The following ADCY8 variants were observed in gnomAD, a reference collection of about 807,000 sequenced individuals.
ADCY8 encodes the protein adenylate cyclase type 8.
ADCY8 carries 51 observed loss-of-function variants against 119.7 expected under a neutral mutation model. The observed-to-expected ratio is 0.43, with a 90% confidence interval of 0.34 to 0.54. ADCY8 has a LOEUF of 0.54. Ranked by LOEUF, ADCY8 falls within the 20% of genes least tolerant of loss-of-function variation. ADCY8 has a pLI of 0.03. For missense variants in ADCY8, 1,383 were observed against 1,598.8 expected (o/e 0.87, Z 2.30); for synonymous variants, 665 against 651.0 (o/e 1.02, Z -0.33).
At chr8:130,901,672 C>T (rs572947822) in intron 7 of ADCY8, among the ~76,000 whole-genome samples, 13 of 152,122 alleles carry the variant, frequency 8.5e-5, no homozygotes, top group Non-Finnish European at 1.9e-4. Context: ...ATACTTGTGA[C>T]GGTTTTAATT....
intron 5 of ADCY8, among the ~76,000 whole-genome samples, chr8:130,922,106 G>T (rs528841192): frequency 2.0e-5 from 3 of 151,870 alleles, no homozygotes; most frequent in Non-Finnish European, 4.4e-5. Flanking sequence ...GCCTCCTTGC[G>T]CTTTCACAGC....
chr8:130,847,319 C>A (rs747141121), intron 11 of ADCY8, 105 bp downstream of exon 11: 3 of 740,050 alleles, frequency 4.1e-6, no homozygotes, highest in Non-Finnish European at 6.8e-6. Context: ...GGAAAACAGG[C>A]CTCTTGAGTA....
At chr8:130,790,649 G>A (rs1423820158) in intron 15 of ADCY8, among the ~76,000 whole-genome samples, 1 of 152,160 alleles carries the variant, frequency 6.6e-6, no homozygotes, top group Non-Finnish European at 1.5e-5. Flanking sequence ...GGTCACAGAT[G>A]AACAGGATTT....
intron 15 of ADCY8, among the ~76,000 whole-genome samples, chr8:130,786,887 T>C (rs1444027189): frequency 6.6e-6 from 1 of 151,652 alleles, no homozygotes; most frequent in Non-Finnish European, 1.5e-5. Context: ...TTTCTAGCAG[T>C]GAGTGTATGA....
intron 17 of ADCY8, among the ~76,000 whole-genome samples, chr8:130,782,684 G>A (rs1014657950): frequency 1.4e-4 from 21 of 152,214 alleles, no homozygotes; most frequent in African/African-American, 4.8e-4. Context: ...ATTGATGGAA[G>A]ATGTGGGAAC....
intron 5 of ADCY8, among the ~76,000 whole-genome samples, chr8:130,927,892 G>A (rs1820520045): frequency 6.6e-6 from 1 of 152,126 alleles, no homozygotes; most frequent in African/African-American, 2.4e-5. Flanking sequence ...GATCTTAGAG[G>A]AAAAGATTGC....
chr8:130,915,401 C>G (rs1820097528), intron 5 of ADCY8, among the ~76,000 whole-genome samples: 1 of 152,160 alleles, frequency 6.6e-6, no homozygotes, highest in Admixed American at 6.5e-5. Context: ...ATACATTAGA[C>G]AGGAATCCCA....
intron 7 of ADCY8, among the ~76,000 whole-genome samples, chr8:130,902,674 G>C (rs1819641522): frequency 1.3e-5 from 2 of 152,100 alleles, no homozygotes; most frequent in Non-Finnish European, 2.9e-5. Context: ...AATTTTTTTA[G>C]GCAGACAGAT....
chr8:130,870,059 G>A lies in ADCY8; in HGVS notation c.2110-2113C>T, dbSNP rs541289087. ...ATGGAGTCTTGCTCTTGTCACCCAG[G>A]CTGGAGTGCAGTGGTGCAATCTCGG... On this transcript the variant is annotated intron_variant, in intron 8 of 17. Transcript: ENST00000286355. Among the ~76,000 whole-genome samples the A allele has an allele frequency of 1.7e-3, 249 of 147,392 alleles. 1 individual carries two copies. Among genetic ancestry groups the A allele is most frequent in the Non-Finnish European group, 3.0e-3 (204 of 67,100 alleles).
At chr8:130,946,330 G>A (rs1821104561) in intron 3 of ADCY8, among the ~76,000 whole-genome samples, 2 of 152,184 alleles carry the variant, frequency 1.3e-5, no homozygotes, top group African/African-American at 4.8e-5. Context: ...GATGTCTTCA[G>A]TGTTCCAATA....
intron 3 of ADCY8, among the ~76,000 whole-genome samples, chr8:130,944,656 G>A (rs1446434855): frequency 6.6e-6 from 1 of 152,116 alleles, no homozygotes; most frequent in Non-Finnish European, 1.5e-5. Context: ...TCCCAAAAAT[G>A]TACGAGCATT....
intron 12 of ADCY8, among the ~76,000 whole-genome samples, chr8:130,822,567 CAT>C (rs1816549512): frequency 6.6e-6 from 1 of 151,110 alleles, no homozygotes; most frequent in South Asian, 2.1e-4. Flanking sequence ...TCCATCCATC[CAT>C]CCATCCATCC....
chr8:131,037,495 T>G (rs1219264270), intron 1 of ADCY8, among the ~76,000 whole-genome samples: 1 of 152,226 alleles, frequency 6.6e-6, no homozygotes, highest in Admixed American at 6.5e-5. Flanking sequence ...ATTCCAAACT[T>G]ACTTATTAAG....
chr8:130,882,931 C>T (rs1818833103), intron 8 of ADCY8, among the ~76,000 whole-genome samples: 1 of 152,056 alleles, frequency 6.6e-6, no homozygotes, highest in South Asian at 2.1e-4. Flanking sequence ...TTGCCATCAC[C>T]ACTGGGGAAC....
At chr8:130,913,929 C>T (rs947168586) in intron 5 of ADCY8, among the ~76,000 whole-genome samples, 5 of 152,174 alleles carry the variant, frequency 3.3e-5, no homozygotes, top group African/African-American at 1.2e-4. Flanking sequence ...TATTTCCCTA[C>T]AGATGCTTTA....
At chr8:130,801,898 CCT>C (rs1815789950) in intron 14 of ADCY8, among the ~76,000 whole-genome samples, 1 of 87,804 alleles carries the variant, frequency 1.1e-5, no homozygotes, top group African/African-American at 4.6e-5. Context: ...TTTGAGAATG[CCT>C]TTTTTTTTTT....
At chr8:130,852,931 A>T (rs1261265482) in intron 9 of ADCY8, among the ~76,000 whole-genome samples, 1 of 152,190 alleles carries the variant, frequency 6.6e-6, no homozygotes, top group Non-Finnish European at 1.5e-5. Flanking sequence ...GTGCTCAATA[A>T]GTATTCATTG....
At chr8:130,790,231 A>C (rs1232956824) in intron 15 of ADCY8, among the ~76,000 whole-genome samples, 1 of 152,196 alleles carries the variant, frequency 6.6e-6, no homozygotes, top group Non-Finnish European at 1.5e-5. Flanking sequence ...CTAAGCACTG[A>C]ATAAGCCATG....
intron 12 of ADCY8, among the ~76,000 whole-genome samples, chr8:130,830,553 C>T (rs1289306666): frequency 6.6e-6 from 1 of 152,152 alleles, no homozygotes; most frequent in Non-Finnish European, 1.5e-5. Flanking sequence ...TTTCCTTTCT[C>T]TTTCTTTTGC....
Sources: gnomAD v4.1 joint callset for allele counts (sites outside exome capture counted in the v4.1 genomes callset) on GRCh38, gnomAD v4.1.1 for gene constraint, MANE v1.5 for transcripts, NCBI Gene and HGNC (gene_info 2026-07-23, HGNC 2026-07-21) for gene names.